CTNNA2: variants seen among roughly 807,000 people sequenced by gnomAD.
The protein encoded by CTNNA2 is catenin alpha 2.
Under a neutral mutation model 101.0 loss-of-function variants are expected in CTNNA2, and 42 were observed. The observed-to-expected ratio is 0.42, with a 90% CI of 0.32 to 0.54. The LOEUF is 0.54. CTNNA2 is among the 20% of genes least tolerant of loss of function. The pLI, the probability that CTNNA2 is intolerant of heterozygous loss-of-function variation, is 0.14. For missense variants in CTNNA2, 871 were observed against 1,223.1 expected (o/e 0.71, Z 4.29); for synonymous variants, 450 against 456.4 (o/e 0.99, Z 0.18).
intron 2 of CTNNA2, among the ~76,000 whole-genome samples, chr2:79,735,272 A>G (rs914657376): frequency 6.6e-6 from 1 of 152,128 alleles, no homozygotes; most frequent in Admixed American, 6.6e-5. Flanking sequence ...TTCTCTAGGG[A>G]AAATTGAGTT....
chr2:80,430,971 A>G (rs1246679035), intron 9 of CTNNA2, among the ~76,000 whole-genome samples: 1 of 152,170 alleles, frequency 6.6e-6, no homozygotes, highest in Non-Finnish European at 1.5e-5. Flanking sequence ...AGACACCTTC[A>G]ATGCAAAAAT....
chr2:79,504,133 T>C (rs188042800), intron 4 of CTNNA2, among the ~76,000 whole-genome samples: 39 of 152,238 alleles, frequency 2.6e-4, no homozygotes, highest in Admixed American at 2.4e-3. Flanking sequence ...GGGGGCAAAG[T>C]ATCATGGAAT....
chr2:80,012,458 G>C (rs1176654838), intron 7 of CTNNA2, among the ~76,000 whole-genome samples: 3 of 152,090 alleles, frequency 2.0e-5, no homozygotes, highest in Non-Finnish European at 4.4e-5. Flanking sequence ...CTGTCCAAAG[G>C]TATCTGCCCA....
chr2:79,377,726 C>T (rs1677993852), intron 4 of CTNNA2, among the ~76,000 whole-genome samples: 1 of 152,296 alleles, frequency 6.6e-6, no homozygotes, highest in East Asian at 1.9e-4. Context: ...TTGGTGCATA[C>T]TCATTGCATG....
intron 7 of CTNNA2, among the ~76,000 whole-genome samples, chr2:80,376,111 C>T (rs1357820393): frequency 6.6e-6 from 1 of 151,824 alleles, no homozygotes; most frequent in African/African-American, 2.4e-5. Flanking sequence ...CTTTTTTTTG[C>T]CCCTCCCACA....
At chr2:79,288,002 C>G (rs1047527867) in intron 2 of CTNNA2, among the ~76,000 whole-genome samples, 1 of 152,162 alleles carries the variant, frequency 6.6e-6, no homozygotes, top group Non-Finnish European at 1.5e-5. Flanking sequence ...TGGGAGTGAC[C>G]CGATTTTCCA....
At position 79,677,415 on chromosome 2, in the gene CTNNA2, G is replaced by A. The variant is rs111397301; in HGVS notation, c.102+25757G>A. 1.1e-3 allele frequency among the ~76,000 whole-genome samples: 172 copies of A among 152,090 alleles called. 1 individual carries two copies. The highest frequency in any genetic ancestry group is 4.0e-3 in the African/African-American group (164 of 41,478). Reference sequence around the variant, plus strand: ...CTTCCCTCTATTTTCTGCTAAAGCCGTCCTAATCTTAAATGACAAATCTAG... The same window carrying A: ...CTTCCCTCTATTTTCTGCTAAAGCCATCCTAATCTTAAATGACAAATCTAG... On this transcript the variant is annotated intron_variant, in intron 2 of 18. Transcript: ENST00000402739.
chr2:79,326,689 T>C (rs1163262124), intron 3 of CTNNA2, among the ~76,000 whole-genome samples: 1 of 152,172 alleles, frequency 6.6e-6, no homozygotes, highest in Non-Finnish European at 1.5e-5. Flanking sequence ...TGAACAAGCT[T>C]TAATACAGCT....
chr2:80,313,970 G>A (rs998707130), intron 7 of CTNNA2, among the ~76,000 whole-genome samples: 2 of 152,180 alleles, frequency 1.3e-5, no homozygotes, highest in Non-Finnish European at 2.9e-5. Context: ...TCAATAGATG[G>A]ATTGCTCTAG....
chr2:80,290,465 G>A (rs1227484508), intron 7 of CTNNA2, among the ~76,000 whole-genome samples: 3 of 152,060 alleles, frequency 2.0e-5, no homozygotes, highest in Non-Finnish European at 4.4e-5. Context: ...ACCATGGTGA[G>A]GTTGGTGAGG....
At chr2:79,854,330 C>T (rs556829044) in intron 3 of CTNNA2, among the ~76,000 whole-genome samples, 1 of 152,332 alleles carries the variant, frequency 6.6e-6, no homozygotes, top group African/African-American at 2.4e-5. Flanking sequence ...ATAATGATCA[C>T]CCGTTATGGG....
At chr2:79,896,287 A>C (rs1158164537) in intron 6 of CTNNA2, among the ~76,000 whole-genome samples, 1 of 151,550 alleles carries the variant, frequency 6.6e-6, no homozygotes, top group Non-Finnish European at 1.5e-5. Context: ...CCTGTCTCAA[A>C]AAAAAAAAAG....
At chr2:79,498,454 C>G (rs1261917360) in intron 4 of CTNNA2, among the ~76,000 whole-genome samples, 2 of 152,160 alleles carry the variant, frequency 1.3e-5, no homozygotes, top group African/African-American at 4.8e-5. Context: ...AAAAAATTAG[C>G]AAGCATGGTC....
At chr2:80,183,910 T>TAA (rs1705950457) in intron 7 of CTNNA2, among the ~76,000 whole-genome samples, 1 of 148,012 alleles carries the variant, frequency 6.8e-6, no homozygotes, top group South Asian at 2.1e-4. Flanking sequence ...TGTGTGTGTG[T>TAA]AAGCATTGTA....
intron 2 of CTNNA2, among the ~76,000 whole-genome samples, chr2:79,293,653 C>T (rs986610732): frequency 7.2e-5 from 11 of 152,090 alleles, no homozygotes; most frequent in Admixed American, 1.3e-4. Context: ...TAAGGCCATT[C>T]ATGTAAATTA....
chr2:79,882,676 C>T (rs549571757), intron 6 of CTNNA2, among the ~76,000 whole-genome samples: 19 of 152,328 alleles, frequency 1.2e-4, no homozygotes, highest in South Asian at 6.2e-4. Context: ...GCTGCCCCTC[C>T]GCCAAGGAGC....
chr2:79,592,613 A>G (rs974795429), intron 1 of CTNNA2, among the ~76,000 whole-genome samples: 2 of 152,218 alleles, frequency 1.3e-5, no homozygotes, highest in African/African-American at 4.8e-5. Flanking sequence ...CATACCCCAC[A>G]CAAACTCTTG....
intron 3 of CTNNA2, among the ~76,000 whole-genome samples, chr2:79,358,268 CA>C (rs1190640390): frequency 6.6e-6 from 1 of 151,372 alleles, no homozygotes; most frequent in African/African-American, 2.4e-5. Flanking sequence ...GGCACAATTT[CA>C]GCTCACTGCC....
intron 7 of CTNNA2, among the ~76,000 whole-genome samples, chr2:80,248,006 GTCTTT>G (rs1461634320): frequency 4.2e-4 from 64 of 151,248 alleles, no homozygotes; most frequent in African/African-American, 1.4e-3. Context: ...TCTATCATTT[GTCTTT>G]TCTTTATTTT....
Sources: gnomAD v4.1 joint callset for allele counts (sites outside exome capture counted in the v4.1 genomes callset) on GRCh38, gnomAD v4.1.1 for gene constraint, MANE v1.5 for transcripts, NCBI Gene and HGNC (gene_info 2026-07-23, HGNC 2026-07-21) for gene names.